Variants in NSRP1 observed in about 807,000 individuals in gnomAD.
NSRP1 encodes the protein coiled-coil domain containing 55.
In NSRP1, 24 loss-of-function variants were observed where a neutral mutation model predicts 54.7. The ratio of observed to expected loss-of-function variants is 0.44; its 90% CI spans 0.32 to 0.62. The LOEUF is 0.62. Ranked by LOEUF, NSRP1 falls within the 20% of genes least tolerant of loss-of-function variation. The pLI, the probability that NSRP1 is intolerant of heterozygous loss-of-function variation, is 0.06. For synonymous variants in NSRP1, 210 were observed against 213.8 expected, an observed-to-expected ratio of 0.98 and a Z score of 0.15; for missense variants, 596 against 651.2, an observed-to-expected ratio of 0.92 and a Z score of 0.92.
In NSRP1 at chr17:30,184,579, A is replaced by T. The variant is rs975007887; in HGVS notation, c.618-36A>T. 9.2e-6 allele frequency: 14 copies of T among 1,519,992 alleles called. No homozygotes were observed. The African/African-American group carries it at 2.0e-4, about 21-fold the overall frequency. The allele number at this position is 1,519,992 out of a possible 1,614,324, so 94.2% of individuals were successfully genotyped here. A position where few individuals can be genotyped will look rare whatever the true frequency, so the allele number is the denominator to read the frequency against. On this transcript the variant is annotated intron_variant, in intron 6 of 6. Transcript: ENST00000247026. ...TGCTTATTACAACTGATAATGTGGC[A>T]TTTTTTTCTGCCCTTTTTTGTTTTT...
intron 2 of NSRP1, among the ~76,000 whole-genome samples, chr17:30,136,396 G>A (rs554679056): frequency 1.0e-3 from 158 of 152,060 alleles, no homozygotes; most frequent in African/African-American, 3.6e-3. Context: ...ATATATGATA[G>A]GACAAAGAAT....
At chr17:30,159,316 G>C (rs1457436362) in intron 2 of NSRP1, among the ~76,000 whole-genome samples, 1 of 152,034 alleles carries the variant, frequency 6.6e-6, no homozygotes, top group Non-Finnish European at 1.5e-5. Flanking sequence ...TTTGTGTCTT[G>C]CAGCTTTACT....
At chr17:30,182,314 G>C (rs374565530) in intron 6 of NSRP1, among the ~76,000 whole-genome samples, 1 of 152,202 alleles carries the variant, frequency 6.6e-6, no homozygotes, top group East Asian at 1.9e-4. Context: ...TAGTATGTAG[G>C]CACTAGTCAC....
chr17:30,184,942 A>G lies in NSRP1; in HGVS notation c.945A>G (p.Lys315=), dbSNP rs1262068781. 4 of 1,614,040 alleles carry G rather than the reference A, an allele frequency of 2.5e-6. No homozygotes were observed. Among genetic ancestry groups the G allele is most frequent in the Non-Finnish European group, 3.4e-6 (4 of 1,180,032 alleles). ...KGSRTSRGHE[K]REDQHQQKQS... The stretch of plus-strand genomic sequence containing the variant: ...CACGAACGTCGAGAGGACATGAGAA[A>G]AGGGAAGATCAGCACCAGCAGAAGC... The change falls in exon 7 of 7, where the codon AAA becomes AAG. Residue 315 remains lysine, a synonymous_variant. Coordinates refer to ENST00000247026, the MANE Select transcript of NSRP1 (RefSeq NM_032141.4).
Position 30,116,935 on chromosome 17 carries a change from T to A in NSRP1, c.20+72T>A, listed in dbSNP as rs75424180. ...GGCGACTGTATCTTTGGCCGAGGAG[T>A]TTTAAATGCGCTGGAAGTGAAGGGA... On this transcript the variant is annotated intron_variant, in intron 1 of 6. Transcript: ENST00000247026. 2.2e-3 allele frequency: 3,409 copies of A among 1,524,298 alleles called. 12 individuals carry two copies. Among genetic ancestry groups the A allele is most frequent in the Middle Eastern group, 8.6e-3 (51 of 5,930 alleles). The allele number at this position is 1,524,298 out of a possible 1,614,324, so 94.4% of individuals were successfully genotyped here. A position where few individuals can be genotyped will look rare whatever the true frequency, so the allele number is the denominator to read the frequency against.
chr17:30,157,418 A>G (rs1904348173), intron 2 of NSRP1, among the ~76,000 whole-genome samples: 1 of 152,196 alleles, frequency 6.6e-6, no homozygotes, highest in African/African-American at 2.4e-5. Flanking sequence ...TGGGGTATCC[A>G]TCACCTAGAA....
intron 2 of NSRP1, among the ~76,000 whole-genome samples, chr17:30,167,281 A>T (rs2143007438): frequency 6.6e-6 from 1 of 152,282 alleles, no homozygotes; most frequent in Middle Eastern, 3.4e-3. Flanking sequence ...TATTTTAAGG[A>T]TACCACTAAA....
chr17:30,183,200 A>G (rs567352133), intron 6 of NSRP1, among the ~76,000 whole-genome samples: 2 of 150,822 alleles, frequency 1.3e-5, no homozygotes, highest in South Asian at 4.3e-4. Flanking sequence ...AGCTGAAGGT[A>G]AAAGAGTCTG....
At chr17:30,162,277 G>A (rs1036324464) in intron 2 of NSRP1, among the ~76,000 whole-genome samples, 3 of 152,006 alleles carry the variant, frequency 2.0e-5, no homozygotes, top group African/African-American at 4.8e-5. Context: ...TGATCCACCC[G>A]CCTTGGCCTC....
chr17:30,120,616 T>C, intron 2 of NSRP1, among the ~76,000 whole-genome samples: 1 of 152,200 alleles, frequency 6.6e-6, no homozygotes, highest in East Asian at 1.9e-4. Context: ...AACATGAATA[T>C]AAAGCAAACT....
chr17:30,185,815 C>CA lies in NSRP1; in HGVS notation c.*142dup. On this transcript the variant is annotated 3_prime_UTR_variant, in exon 7 of 7. Transcript: ENST00000247026. Reference sequence around the variant, plus strand: ...ATTTTCAAAATTTTAAGTTAAAAGTCAGTCTTACAGCTTGGATGTTTGGAT... The same window carrying CA: ...ATTTTCAAAATTTTAAGTTAAAAGTCAAGTCTTACAGCTTGGATGTTTGGAT... 2 of 878,338 alleles carry CA rather than the reference C, an allele frequency of 2.3e-6. No homozygotes were observed. Among genetic ancestry groups the CA allele is most frequent in the Non-Finnish European group, 1.7e-6 (1 of 598,172 alleles). The allele number at this position is 878,338 out of a possible 1,614,324, so 54.4% of individuals were successfully genotyped here.
chr17:30,128,429 A>G (rs2071670191), intron 2 of NSRP1, among the ~76,000 whole-genome samples: 1 of 152,110 alleles, frequency 6.6e-6, no homozygotes. Flanking sequence ...TTAGCCAAAT[A>G]CTTTTTAAAA....
At chr17:30,161,051 T>C (rs1452087600) in intron 2 of NSRP1, among the ~76,000 whole-genome samples, 1 of 152,144 alleles carries the variant, frequency 6.6e-6, no homozygotes, top group African/African-American at 2.4e-5. Context: ...ATGGAAACAC[T>C]ACTTGGCAAG....
At chr17:30,133,109 A>ATTTTTTT (rs558445432) in intron 2 of NSRP1, among the ~76,000 whole-genome samples, 2 of 110,934 alleles carry the variant, frequency 1.8e-5, no homozygotes, top group Non-Finnish European at 1.8e-5. Context: ...ACACCCAGCT[A>ATTTTTTT]TTTTTTTTTT....
chr17:30,171,885 G>T (rs1422502697), intron 2 of NSRP1, among the ~76,000 whole-genome samples: 1 of 149,688 alleles, frequency 6.7e-6, no homozygotes, highest in Non-Finnish European at 1.5e-5. Context: ...TACCATTTTA[G>T]TGTTGGAAGG....
chr17:30,176,007 C>G (rs1248918568), intron 3 of NSRP1, among the ~76,000 whole-genome samples: 2 of 151,164 alleles, frequency 1.3e-5, no homozygotes, highest in African/African-American at 2.4e-5. Context: ...CGAACCCCCC[C>G]CCCAAAAAAA....
chr17:30,153,015 G>A lies in NSRP1; in HGVS notation c.115-19527G>A, dbSNP rs1192042296. Among the ~76,000 whole-genome samples, 5 of 144,224 alleles carry A rather than the reference G, an allele frequency of 3.5e-5. No individual in the cohort carries two copies. The East Asian group carries it at 1.1e-3, about 31-fold the overall frequency. 94.6% of individuals were successfully genotyped at this position (144,224 alleles called of 152,430 possible). Reference sequence around the variant, plus strand: ...TGCAACCTCTGTCTCCCAGGTTCAAGTGATTCTCATGCCTCACCTCTCCTC... The same window carrying A: ...TGCAACCTCTGTCTCCCAGGTTCAAATGATTCTCATGCCTCACCTCTCCTC... On this transcript the variant is annotated intron_variant, in intron 2 of 6. Coordinates refer to ENST00000247026, the MANE Select transcript of NSRP1 (RefSeq NM_032141.4).
intron 2 of NSRP1, among the ~76,000 whole-genome samples, chr17:30,142,642 G>A (rs540997671): frequency 6.6e-6 from 1 of 152,162 alleles, no homozygotes; most frequent in African/African-American, 2.4e-5. Flanking sequence ...TGTATCTTAA[G>A]TGTTTAGTCC....
intron 2 of NSRP1, among the ~76,000 whole-genome samples, chr17:30,149,834 CAAAA>C (rs773066888): frequency 6.1e-5 from 6 of 98,702 alleles, no homozygotes; most frequent in Non-Finnish European, 6.1e-5. Flanking sequence ...GACCCTGTCT[CAAAA>C]AAAAAAAAAA....
Sources: allele counts gnomAD v4.1 joint callset (sites outside exome capture counted in the v4.1 genomes callset), GRCh38; gene constraint gnomAD v4.1.1; transcripts MANE v1.5; gene names NCBI Gene and HGNC (gene_info 2026-07-23, HGNC 2026-07-21).